The following LRP1B variants were observed in gnomAD, a reference collection of about 807,000 sequenced individuals.
The protein encoded by LRP1B is low-density lipoprotein receptor-related protein 1B.
Under a neutral mutation model 556.6 loss-of-function variants are expected in LRP1B, and 217 were observed. The ratio of observed to expected loss-of-function variants is 0.39; its 90% CI spans 0.35 to 0.44. The LOEUF is 0.44. LRP1B is among the 20% of genes least tolerant of loss of function. LRP1B has a pLI of 1.00. For missense variants in LRP1B, 5,053 were observed against 5,620.8 expected, an observed-to-expected ratio of 0.90 and a Z score of 3.23; for synonymous variants, 2,047 against 1,865.8, an observed-to-expected ratio of 1.10 and a Z score of -2.50.
In LRP1B at chr2:141,522,930, A is replaced by G. The variant is rs574636160; in HGVS notation, c.206-42397T>C. On this transcript the variant is annotated intron_variant, in intron 2 of 90. Transcript: ENST00000389484. ...ATCAATGAACTAATGACATAGACAG[A>G]TCCAAATGACTGTCAGATCTGCCAG... Among the ~76,000 whole-genome samples the G allele has an allele frequency of 6.9e-4, 105 of 152,280 alleles. No homozygotes were observed. In the Middle Eastern group the frequency reaches 0.01, roughly 15 times the overall value.
intron 7 of LRP1B, among the ~76,000 whole-genome samples, chr2:141,104,035 T>C (rs1340866508): frequency 1.3e-5 from 2 of 152,028 alleles, no homozygotes; most frequent in East Asian, 3.9e-4. Context: ...AATGTTTTAA[T>C]ATATTGTTTG....
At chr2:141,784,396 T>C (rs544608667) in intron 2 of LRP1B, among the ~76,000 whole-genome samples, 1 of 152,150 alleles carries the variant, frequency 6.6e-6, no homozygotes, top group East Asian at 1.9e-4. Flanking sequence ...ATAGATATTT[T>C]ACTGAAAATT....
At chr2:140,385,386 AGAT>A (rs965773341) in intron 67 of LRP1B, among the ~76,000 whole-genome samples, 8 of 152,232 alleles carry the variant, frequency 5.3e-5, no homozygotes, top group African/African-American at 1.9e-4. Flanking sequence ...TGGAGAAGAC[AGAT>A]GATAACAATA....
intron 1 of LRP1B, among the ~76,000 whole-genome samples, chr2:141,827,693 T>A (rs1182186169): frequency 6.6e-6 from 1 of 151,996 alleles, no homozygotes; most frequent in African/African-American, 2.4e-5. Context: ...TCAAAATTAA[T>A]CTATTTAAGT....
chr2:140,546,692 A>G (rs1389754128), intron 43 of LRP1B, among the ~76,000 whole-genome samples: 1 of 152,052 alleles, frequency 6.6e-6, no homozygotes, highest in Non-Finnish European at 1.5e-5. Flanking sequence ...ACATTTCAAA[A>G]TGAGATTTGG....
chr2:141,170,788 G>C (rs965156844), intron 7 of LRP1B, among the ~76,000 whole-genome samples: 2 of 152,042 alleles, frequency 1.3e-5, no homozygotes, highest in Non-Finnish European at 2.9e-5. Context: ...AAAGAAACAG[G>C]CTCACCTAGA....
At chr2:140,514,071 A>C (rs1689777773) in intron 51 of LRP1B, among the ~76,000 whole-genome samples, 1 of 152,014 alleles carries the variant, frequency 6.6e-6, no homozygotes, top group East Asian at 1.9e-4. Context: ...AAGCAATCAT[A>C]CTGGGCTTGT....
chr2:141,097,747 G>A (rs1700357435), intron 7 of LRP1B, among the ~76,000 whole-genome samples: 1 of 152,076 alleles, frequency 6.6e-6, no homozygotes, highest in Non-Finnish European at 1.5e-5. Context: ...ATGTTTTCAT[G>A]TTTCTTCATT....
At chr2:140,748,613 A>G (rs1411124065) in intron 35 of LRP1B, among the ~76,000 whole-genome samples, 2 of 118,282 alleles carry the variant, frequency 1.7e-5, no homozygotes, top group African/African-American at 3.2e-5. Context: ...ATATATATAT[A>G]TATATATATA....
chr2:141,956,876 A>G (rs1163241958), intron 1 of LRP1B, among the ~76,000 whole-genome samples: 2 of 152,088 alleles, frequency 1.3e-5, no homozygotes, highest in Non-Finnish European at 2.9e-5. Context: ...TCTATTTAGA[A>G]TAGAATTATT....
intron 25 of LRP1B, among the ~76,000 whole-genome samples, chr2:140,883,322 C>G (rs1398041517): frequency 4.6e-5 from 7 of 152,142 alleles, no homozygotes; most frequent in Non-Finnish European, 4.4e-5. Context: ...TATCTCACCA[C>G]TGGACTCCTT....
At chr2:140,410,027 A>T (rs1023762808) in intron 66 of LRP1B, among the ~76,000 whole-genome samples, 3 of 152,118 alleles carry the variant, frequency 2.0e-5, no homozygotes, top group Admixed American at 2.0e-4. Context: ...ACTGCAACAT[A>T]TCTGCATCAG....
At chr2:141,168,759 T>C (rs551756301) in intron 7 of LRP1B, among the ~76,000 whole-genome samples, 40 of 152,146 alleles carry the variant, frequency 2.6e-4, no homozygotes, top group South Asian at 8.3e-4. Context: ...TGGTGAAATG[T>C]GTGACATGTA....
chr2:140,847,050 A>AG (rs1020062589), intron 29 of LRP1B, among the ~76,000 whole-genome samples: 1 of 152,180 alleles, frequency 6.6e-6, no homozygotes, highest in African/African-American at 2.4e-5. Flanking sequence ...TTGATTGTTA[A>AG]GTTCCTTTAT....
intron 66 of LRP1B, among the ~76,000 whole-genome samples, chr2:140,391,212 C>A (rs935282136): frequency 1.3e-5 from 2 of 152,032 alleles, no homozygotes; most frequent in African/African-American, 2.4e-5. Context: ...TCTTAACATA[C>A]AATAAGTCAA....
chr2:140,514,683 C>T lies in LRP1B; in HGVS notation c.8239G>A (p.Asp2747Asn), dbSNP rs781076753. The change falls in exon 51 of 91, where the codon GAT becomes AAT. Residue 2747 changes from aspartate (D) to asparagine (N), a missense_variant. Transcript: ENST00000389484. Reference sequence around the variant, plus strand: ...ATGCTGTCACTTTCATCTAACCCATCCCCACAGTCATCTTCTCCATCACAA... The same window carrying T: ...ATGCTGTCACTTTCATCTAACCCATTCCCACAGTCATCTTCTCCATCACAA... ...WICDGEDDCG[D>N]GLDESDSICG... 4.3e-6 allele frequency: 7 copies of T among 1,612,112 alleles called. No homozygotes were observed. The African/African-American group carries it at 6.7e-5, about 15-fold the overall frequency.
chr2:140,547,295 G>T (rs776280991), intron 43 of LRP1B, among the ~76,000 whole-genome samples: 1 of 151,810 alleles, frequency 6.6e-6, no homozygotes, highest in Non-Finnish European at 1.5e-5. Context: ...GGTTTTTTTT[G>T]GTTGGTGGGC....
At chr2:141,869,863 A>G (rs1170938370) in intron 1 of LRP1B, among the ~76,000 whole-genome samples, 1 of 152,116 alleles carries the variant, frequency 6.6e-6, no homozygotes, top group East Asian at 1.9e-4. Flanking sequence ...ACACACACAA[A>G]GATCCTCCTC....
chr2:141,294,947 CAAAT>C (rs962163890), intron 3 of LRP1B, among the ~76,000 whole-genome samples: 1 of 151,868 alleles, frequency 6.6e-6, no homozygotes, highest in African/African-American at 2.4e-5. Flanking sequence ...AATAATTTGT[CAAAT>C]AAATCACATT....
Sources: allele counts gnomAD v4.1 joint callset (sites outside exome capture counted in the v4.1 genomes callset), GRCh38; gene constraint gnomAD v4.1.1; transcripts MANE v1.5; gene names NCBI Gene and HGNC (gene_info 2026-07-23, HGNC 2026-07-21).